AP3B1: variants seen among roughly 807,000 people sequenced by gnomAD.
AP3B1 encodes the protein adaptor related protein complex 3 subunit beta 1.
In AP3B1, 61 loss-of-function variants were observed where a neutral mutation model predicts 132.5. The observed-to-expected ratio is 0.46, with a 90% confidence interval of 0.37 to 0.57. The LOEUF (loss-of-function observed/expected upper bound fraction) is 0.57. Ranked by LOEUF, AP3B1 falls within the 20% of genes least tolerant of loss-of-function variation. AP3B1 has a pLI of 0.00. For synonymous variants in AP3B1, 388 were observed against 438.3 expected (o/e 0.89, Z 1.43); for missense variants, 1,120 against 1,289.4 (o/e 0.87, Z 2.01).
chr5:78,039,647 G>A (rs1321720160), intron 22 of AP3B1, among the ~76,000 whole-genome samples: 1 of 151,758 alleles, frequency 6.6e-6, no homozygotes, highest in Middle Eastern at 3.2e-3. Context: ...GCATGGTGGC[G>A]GGCGCCTGTA....
chr5:78,244,982 A>G (rs546802257), intron 2 of AP3B1, among the ~76,000 whole-genome samples: 19 of 152,084 alleles, frequency 1.2e-4, no homozygotes, highest in African/African-American at 4.6e-4. Context: ...TGACAGAGCA[A>G]GACTCTGTCT....
At chr5:78,105,699 A>G (rs1397244827) in intron 20 of AP3B1, among the ~76,000 whole-genome samples, 1 of 152,248 alleles carries the variant, frequency 6.6e-6, no homozygotes, top group Non-Finnish European at 1.5e-5. Context: ...TCAATTAAAT[A>G]TATCTCAGAA....
intron 2 of AP3B1, among the ~76,000 whole-genome samples, chr5:78,257,889 A>T (rs760884887): frequency 7.2e-5 from 11 of 151,928 alleles, no homozygotes; most frequent in Non-Finnish European, 1.5e-4. Context: ...ACTGAGAAAG[A>T]TGCGAAGAGC....
chr5:78,143,903 G>A (rs1753267338), intron 14 of AP3B1, among the ~76,000 whole-genome samples: 1 of 152,044 alleles, frequency 6.6e-6, no homozygotes, highest in Admixed American at 6.6e-5. Context: ...TACTTGGGAG[G>A]CTAAGGTAAA....
intron 20 of AP3B1, among the ~76,000 whole-genome samples, chr5:78,103,845 A>G (rs1751225158): frequency 6.6e-6 from 1 of 152,182 alleles, no homozygotes. Flanking sequence ...TTCAAATAAT[A>G]AATAAAAGAT....
chr5:78,120,816 T>C (rs1303205603), intron 17 of AP3B1, among the ~76,000 whole-genome samples: 1 of 152,104 alleles, frequency 6.6e-6, no homozygotes, highest in South Asian at 2.1e-4. Flanking sequence ...TACCCAGTAA[T>C]TGAACTCAGC....
At position 78,053,695 on chromosome 5, in the gene AP3B1, A is replaced by AGG. The variant is rs1397760626; in HGVS notation, c.2578-14422_2578-14421insCC. 1.3e-5 allele frequency among the ~76,000 whole-genome samples: 2 copies of AGG among 149,124 alleles called. 1 individual carries two copies. Among genetic ancestry groups the AGG allele is most frequent in the African/African-American group, 5.0e-5 (2 of 39,868 alleles). On this transcript the variant is annotated intron_variant, in intron 22 of 26. Transcript: ENST00000255194. Reference sequence around the variant, plus strand: ...CTCCATCTCAAAAAAAAAAAAAAAAAAAGAAAGAAAAGAAAAGTCCCCCTC... The same window carrying AGG: ...CTCCATCTCAAAAAAAAAAAAAAAAAGGAAGAAAGAAAAGAAAAGTCCCCCTC...
intron 3 of AP3B1, among the ~76,000 whole-genome samples, chr5:78,237,500 T>C (rs778891258): frequency 1.2e-4 from 18 of 151,326 alleles, no homozygotes; most frequent in Non-Finnish European, 1.5e-5. Flanking sequence ...TTTAAAATAT[T>C]AAATCTTTTT....
At chr5:78,176,478 T>C (rs887468690) in intron 9 of AP3B1, among the ~76,000 whole-genome samples, 2 of 152,164 alleles carry the variant, frequency 1.3e-5, no homozygotes, top group Admixed American at 6.5e-5. Flanking sequence ...GTGGACTAAG[T>C]TCCAGTTAAG....
At chr5:78,007,111 A>G (rs1027161165) in intron 26 of AP3B1, among the ~76,000 whole-genome samples, 3 of 152,238 alleles carry the variant, frequency 2.0e-5, no homozygotes, top group African/African-American at 7.2e-5. Flanking sequence ...TTTGTAACAA[A>G]CTGGCTATAA....
chr5:78,255,398 G>GA (rs1406416197), intron 2 of AP3B1, among the ~76,000 whole-genome samples: 1 of 152,082 alleles, frequency 6.6e-6, no homozygotes, highest in East Asian at 1.9e-4. Context: ...CAAAGGTATG[G>GA]AAAATGACAT....
chr5:78,055,955 C>T (rs1273661530), intron 22 of AP3B1, among the ~76,000 whole-genome samples: 2 of 152,158 alleles, frequency 1.3e-5, no homozygotes, highest in African/African-American at 4.8e-5. Context: ...CTGAATGCTA[C>T]ATCACAGGGG....
chr5:78,239,135 A>T (rs1747004837), intron 3 of AP3B1, among the ~76,000 whole-genome samples: 1 of 152,038 alleles, frequency 6.6e-6, no homozygotes, highest in African/African-American at 2.4e-5. Flanking sequence ...GAGTACTTTT[A>T]AAAATAAGCA....
intron 3 of AP3B1, among the ~76,000 whole-genome samples, chr5:78,234,258 A>G (rs1426168038): frequency 6.6e-6 from 1 of 152,170 alleles, no homozygotes; most frequent in Non-Finnish European, 1.5e-5. Flanking sequence ...CAAAATACAC[A>G]TATTTGTGAA....
intron 7 of AP3B1, among the ~76,000 whole-genome samples, chr5:78,197,733 A>G (rs1263453188): frequency 6.6e-6 from 1 of 152,210 alleles, no homozygotes; most frequent in African/African-American, 2.4e-5. Context: ...AATGAAATTA[A>G]TGACAGTTAA....
intron 15 of AP3B1, among the ~76,000 whole-genome samples, chr5:78,138,142 A>T (rs755734056): frequency 2.9e-4 from 44 of 152,188 alleles, no homozygotes; most frequent in Non-Finnish European, 5.1e-4. Context: ...AAATTCTATC[A>T]AGTTGATAGT....
chr5:78,082,463 A>T (rs535036109), intron 22 of AP3B1, among the ~76,000 whole-genome samples: 1 of 152,232 alleles, frequency 6.6e-6, no homozygotes, highest in Non-Finnish European at 1.5e-5. Flanking sequence ...ATAGAATTCA[A>T]ACATTTTCGG....
chr5:78,221,801 T>C (rs1038964395), intron 6 of AP3B1, among the ~76,000 whole-genome samples: 1 of 151,894 alleles, frequency 6.6e-6, no homozygotes, highest in Non-Finnish European at 1.5e-5. Flanking sequence ...CCAGAGATAA[T>C]AAAAATTCTG....
intron 11 of AP3B1, among the ~76,000 whole-genome samples, chr5:78,170,640 T>A (rs1419688877): frequency 6.6e-6 from 1 of 152,114 alleles, no homozygotes. Flanking sequence ...TAGCCCTTTG[T>A]CAGATGGGTA....
Sources: gnomAD v4.1 joint callset for allele counts (sites outside exome capture counted in the v4.1 genomes callset) on GRCh38, gnomAD v4.1.1 for gene constraint, MANE v1.5 for transcripts, NCBI Gene and HGNC (gene_info 2026-07-23, HGNC 2026-07-21) for gene names.